Variants in OXSR1 observed in about 807,000 individuals in gnomAD.
OXSR1 encodes oxidative stress responsive kinase 1.
A neutral mutation model predicts 79.8 loss-of-function variants in OXSR1; 24 were observed. The observed-to-expected ratio is 0.30, with a 90% confidence interval of 0.22 to 0.42. The LOEUF (loss-of-function observed/expected upper bound fraction) is 0.42. Among genes scored for constraint, OXSR1 ranks in the 10% least tolerant of loss-of-function variants. OXSR1 has a pLI of 1.00. For synonymous variants in OXSR1, 226 were observed against 209.2 expected (o/e 1.08, Z -0.69); for missense variants, 430 against 618.4 (o/e 0.70, Z 3.23).
intron 1 of OXSR1, among the ~76,000 whole-genome samples, chr3:38,170,365 A>G (rs988756865): frequency 6.6e-6 from 1 of 152,040 alleles, no homozygotes; most frequent in Non-Finnish European, 1.5e-5. Context: ...TTCTTAATGG[A>G]GTCTTTTAAA....
At chr3:38,169,788 G>T (rs1372680892) in intron 1 of OXSR1, among the ~76,000 whole-genome samples, 1 of 151,310 alleles carries the variant, frequency 6.6e-6, no homozygotes, top group Non-Finnish European at 1.5e-5. Flanking sequence ...CTAGGGTGGA[G>T]TGCAGTGTCA....
intron 5 of OXSR1, among the ~76,000 whole-genome samples, chr3:38,217,962 A>G (rs1211327101): frequency 6.6e-6 from 1 of 152,184 alleles, no homozygotes; most frequent in East Asian, 1.9e-4. Context: ...TTTAAAGCTG[A>G]ATAATAATTC....
intron 4 of OXSR1, among the ~76,000 whole-genome samples, chr3:38,211,729 A>G (rs963073258): frequency 2.6e-5 from 4 of 152,312 alleles, no homozygotes; most frequent in African/African-American, 9.6e-5. Context: ...CCATTTGGCC[A>G]GTTTCCCTCT....
At chr3:38,169,000 A>G (rs1701522561) in intron 1 of OXSR1, among the ~76,000 whole-genome samples, 1 of 152,244 alleles carries the variant, frequency 6.6e-6, no homozygotes, top group African/African-American at 2.4e-5. Flanking sequence ...TTGCTGGGTT[A>G]TATCACAAAT....
At chr3:38,226,924 A>G (rs1347660982) in intron 8 of OXSR1, among the ~76,000 whole-genome samples, 5 of 152,054 alleles carry the variant, frequency 3.3e-5, no homozygotes, top group Non-Finnish European at 7.4e-5. Context: ...ACCAGTGTTG[A>G]TATTTTAGTT....
intron 4 of OXSR1, among the ~76,000 whole-genome samples, chr3:38,212,502 C>T (rs1702407630): frequency 6.6e-6 from 1 of 152,124 alleles, no homozygotes; most frequent in African/African-American, 2.4e-5. Context: ...GATATTTTGT[C>T]AGTTTAAGAT....
chr3:38,222,178 T>A (rs1362907889), intron 6 of OXSR1, among the ~76,000 whole-genome samples: 2 of 152,178 alleles, frequency 1.3e-5, no homozygotes, highest in African/African-American at 4.8e-5. Context: ...TGGCTGAACA[T>A]ACAACACCTG....
chr3:38,218,890 G>C (rs555042651), intron 5 of OXSR1, among the ~76,000 whole-genome samples: 8 of 152,072 alleles, frequency 5.3e-5, no homozygotes, highest in South Asian at 4.1e-4. Context: ...TTGCACAAAG[G>C]GGGGGACCTT....
chr3:38,203,510 A>G (rs1702207275), intron 4 of OXSR1, among the ~76,000 whole-genome samples: 1 of 152,182 alleles, frequency 6.6e-6, no homozygotes, highest in Non-Finnish European at 1.5e-5. Context: ...CACCTGGTTA[A>G]TTTAAAAAAA....
At chr3:38,203,726 G>T (rs778838233) in intron 4 of OXSR1, among the ~76,000 whole-genome samples, 30 of 152,094 alleles carry the variant, frequency 2.0e-4, no homozygotes, top group Admixed American at 7.9e-4. Flanking sequence ...TGGAGCTGGG[G>T]GTGGGATGAC....
intron 4 of OXSR1, among the ~76,000 whole-genome samples, chr3:38,211,220 A>G (rs1159976322): frequency 6.6e-6 from 1 of 152,288 alleles, no homozygotes; most frequent in Admixed American, 6.5e-5. Context: ...CTGGTCCTTC[A>G]TATCAGCTAA....
chr3:38,202,863 A>G (rs1006849747), intron 4 of OXSR1, among the ~76,000 whole-genome samples: 4 of 152,194 alleles, frequency 2.6e-5, no homozygotes, highest in Non-Finnish European at 5.9e-5. Context: ...CTCCTTGGTA[A>G]GCGGTAATGT....
intron 4 of OXSR1, among the ~76,000 whole-genome samples, chr3:38,208,558 G>A (rs985220511): frequency 1.3e-5 from 2 of 152,140 alleles, no homozygotes; most frequent in South Asian, 4.1e-4. Flanking sequence ...AGAGTGGAAT[G>A]GTTCTGTAGA....
In OXSR1 at chr3:38,255,099, A is replaced by G. The variant is rs1485061724; in HGVS notation, c.*2208A>G. 2.6e-5 allele frequency: 4 copies of G among 152,666 alleles called. No individual in the cohort carries two copies. The highest frequency in any genetic ancestry group is 2.0e-4 in the Admixed American group (3 of 15,288). The allele number at this position is 152,666 out of a possible 1,614,324, so 9.5% of individuals were successfully genotyped here. A position where few individuals can be genotyped will look rare whatever the true frequency, so the allele number is the denominator to read the frequency against. On this transcript the variant is annotated 3_prime_UTR_variant, in exon 18 of 18. Coordinates refer to ENST00000311806, the MANE Select transcript of OXSR1 (RefSeq NM_005109.3). ...GCCCAGGTGGAACAGCACGTAACCT[A>G]GTGAGTGACTGTACTCCTTTCTAGG... is the stretch of plus-strand genomic sequence containing the variant.
At chr3:38,231,499 C>T (rs1702806330) in intron 10 of OXSR1, among the ~76,000 whole-genome samples, 1 of 152,092 alleles carries the variant, frequency 6.6e-6, no homozygotes, top group African/African-American at 2.4e-5. Context: ...TTGGCCTTTC[C>T]TCAGAATAAT....
chr3:38,252,995 C>T lies in OXSR1; in HGVS notation c.*104C>T. On this transcript the variant is annotated 3_prime_UTR_variant, in exon 18 of 18. Coordinates refer to ENST00000311806, the MANE Select transcript of OXSR1 (RefSeq NM_005109.3). ...ACTGCCAAAGAACCCAGCAACAAAC[C>T]TCCCGGCTAGGAGCTTTAGAAGTCT... The T allele has an allele frequency of 1.2e-6, 1 of 848,326 alleles. No homozygotes were observed. The highest frequency in any genetic ancestry group is 2.0e-5 in the Admixed American group (1 of 48,906). 52.5% of individuals were successfully genotyped at this position (848,326 alleles called of 1,614,324 possible).
chr3:38,174,308 G>C (rs867957137), intron 1 of OXSR1, among the ~76,000 whole-genome samples: 1 of 152,084 alleles, frequency 6.6e-6, no homozygotes, highest in Non-Finnish European at 1.5e-5. Flanking sequence ...TGCAGGCTGG[G>C]CGAGGTGCCT....
intron 10 of OXSR1, among the ~76,000 whole-genome samples, chr3:38,232,482 C>T (rs1007866782): frequency 2.6e-5 from 4 of 151,314 alleles, no homozygotes; most frequent in African/African-American, 7.3e-5. Flanking sequence ...AGATCAAGCA[C>T]GGTGGCTCAC....
At chr3:38,198,685 T>A (rs770343919) in intron 3 of OXSR1, 37 bp from the exon 4 acceptor site, 2 of 1,541,304 alleles carry the variant, frequency 1.3e-6, no homozygotes, top group South Asian at 2.3e-5. Flanking sequence ...ATTGAATGAT[T>A]TAGAGATTTT....
Sources: gnomAD v4.1 joint callset for allele counts (sites outside exome capture counted in the v4.1 genomes callset) on GRCh38, gnomAD v4.1.1 for gene constraint, MANE v1.5 for transcripts, NCBI Gene and HGNC (gene_info 2026-07-23, HGNC 2026-07-21) for gene names.